Variants in USP25 observed in about 807,000 individuals in gnomAD.
USP25 encodes the protein ubiquitin carboxyl-terminal hydrolase 25.
In USP25, 85 loss-of-function variants were observed where a neutral mutation model predicts 158.5. The observed-to-expected ratio is 0.54, with a 90% CI of 0.45 to 0.64. The LOEUF is 0.64. USP25 is among the 30% of genes least tolerant of loss of function. The pLI is 0.00. For missense variants in USP25, 1,242 were observed against 1,327.3 expected, an observed-to-expected ratio of 0.94 and a Z score of 1.00; for synonymous variants, 464 against 460.4, an observed-to-expected ratio of 1.01 and a Z score of -0.10.
At chr21:15,861,821 T>C (rs1007924579) in intron 20 of USP25, among the ~76,000 whole-genome samples, 25 of 152,246 alleles carry the variant, frequency 1.6e-4, no homozygotes, top group African/African-American at 5.1e-4. Flanking sequence ...AAATGTTTTC[T>C]TGTGTGATTG....
chr21:15,859,991 A>ATATATATATATATATATTT (rs1315516466), intron 20 of USP25, among the ~76,000 whole-genome samples: 1 of 131,140 alleles, frequency 7.6e-6, no homozygotes, highest in African/African-American at 2.9e-5. Context: ...ATATATCTAT[A>ATATATATATATATATATTT]TTTTTTTTTT....
intron 17 of USP25, 113 bp from the exon 18 acceptor site, chr21:15,842,285 A>T (rs1168488698): frequency 2.6e-6 from 3 of 1,155,932 alleles, no homozygotes; most frequent in Non-Finnish European, 3.5e-6. Context: ...CTTTGAATGG[A>T]AGACTAAAAT....
chr21:15,863,667 A>C (rs2039527910), intron 20 of USP25, among the ~76,000 whole-genome samples: 1 of 152,226 alleles, frequency 6.6e-6, no homozygotes, highest in Non-Finnish European at 1.5e-5. Flanking sequence ...AGAATTACTC[A>C]CATTGTAAGT....
intron 1 of USP25, among the ~76,000 whole-genome samples, chr21:15,760,937 C>T (rs981133987): frequency 6.6e-6 from 1 of 152,108 alleles, no homozygotes; most frequent in African/African-American, 2.4e-5. Flanking sequence ...TATATTTCTC[C>T]GGTTGTCTCA....
chr21:15,772,038 T>C (rs2034388338), intron 3 of USP25, among the ~76,000 whole-genome samples: 2 of 152,188 alleles, frequency 1.3e-5, no homozygotes, highest in Non-Finnish European at 2.9e-5. Flanking sequence ...CCAACTAGGC[T>C]TTTGTGAACT....
intron 16 of USP25, 22 bp from the exon 17 acceptor site, chr21:15,833,326 G>T: frequency 6.3e-7 from 1 of 1,596,992 alleles, no homozygotes; most frequent in Non-Finnish European, 8.5e-7. Context: ...TTTTATACTA[G>T]TTTTTGAAAT....
intron 1 of USP25, among the ~76,000 whole-genome samples, chr21:15,748,689 T>C (rs2032761849): frequency 1.3e-5 from 2 of 152,112 alleles, no homozygotes; most frequent in South Asian, 4.1e-4. Flanking sequence ...GTAGCTCTTA[T>C]GTAATAAGAT....
intron 20 of USP25, among the ~76,000 whole-genome samples, chr21:15,855,172 T>G (rs1268416647): frequency 2.0e-5 from 3 of 152,172 alleles, no homozygotes; most frequent in African/African-American, 7.2e-5. Flanking sequence ...TCTTTTTTTG[T>G]AAAAATTTTG....
Position 15,875,133 on chromosome 21 carries a change from CTG to C in USP25, c.3009+608_3009+609del, listed in dbSNP as rs1287818779. 7.2e-5 allele frequency among the ~76,000 whole-genome samples: 11 copies of C among 152,286 alleles called. No homozygotes were observed. Among genetic ancestry groups the C allele is most frequent in the Admixed American group, 2.6e-4 (4 of 15,304 alleles). On this transcript the variant is annotated intron_variant, in intron 24 of 25. Transcript: ENST00000400183. The surrounding 1 kb of genome is among the most constrained non-coding windows in gnomAD (Gnocchi z 4.7). ...GTTGCCTTGAGCCAAGATCGCGCCACTGCATTCCATCCTGGCAACCAGGTGAC... is the reference window on the plus strand; with the variant it reads ...GTTGCCTTGAGCCAAGATCGCGCCACCATTCCATCCTGGCAACCAGGTGAC...
intron 1 of USP25, among the ~76,000 whole-genome samples, chr21:15,760,306 A>G (rs2033650891): frequency 6.6e-6 from 1 of 152,198 alleles, no homozygotes; most frequent in Non-Finnish European, 1.5e-5. Flanking sequence ...TATCCTACCT[A>G]GAACTTGGAC....
intron 10 of USP25, among the ~76,000 whole-genome samples, chr21:15,820,427 A>G (rs531465762): frequency 4.7e-4 from 72 of 152,014 alleles, no homozygotes; most frequent in African/African-American, 1.6e-3. Context: ...GTTGCAATAT[A>G]AATGTTCTGC....
intron 2 of USP25, among the ~76,000 whole-genome samples, chr21:15,763,867 TATGAG>T (rs2033881369): frequency 6.6e-6 from 1 of 152,160 alleles, no homozygotes. Flanking sequence ...TAAATAACTC[TATGAG>T]ATAAGTATTA....
intron 7 of USP25, chr21:15,805,477 G>C: frequency 2.8e-6 from 1 of 362,872 alleles, no homozygotes. Context: ...AAATGAAAAC[G>C]ATGGATACAA....
At chr21:15,823,218 G>T (rs1364051682) in intron 10 of USP25, among the ~76,000 whole-genome samples, 1 of 151,926 alleles carries the variant, frequency 6.6e-6, no homozygotes, top group Admixed American at 6.6e-5. Flanking sequence ...GTTCTTTGTT[G>T]ATTTACATAC....
chr21:15,864,243 T>G, intron 20 of USP25, 25 bp from the exon 21 acceptor site: 1 of 1,587,716 alleles, frequency 6.3e-7, no homozygotes, highest in Non-Finnish European at 8.5e-7. Context: ...TTAACCAAAA[T>G]TATCATTTTC....
Position 15,877,958 on chromosome 21 carries a change from C to G in USP25, c.3172C>G (p.Arg1058Gly). 6.2e-7 allele frequency: 1 copy of G among 1,612,448 alleles called. No homozygotes were observed. Among genetic ancestry groups the G allele is most frequent in the Non-Finnish European group, 8.5e-7 (1 of 1,179,366 alleles). ...ACTAGCTGTAGAAGATATGAGAAATCGATGGTGTTCCTACCTTGGTCAAGA... is the reference window on the plus strand; with the variant it reads ...ACTAGCTGTAGAAGATATGAGAAATGGATGGTGTTCCTACCTTGGTCAAGA... ...DILAVEDMRN[R>G]WCSYLGQEME... Residue 1058 changes from arginine (R) to glycine (G), a missense_variant, in exon 25 of 26, where the codon CGA (arginine) becomes GGA (glycine). By Grantham distance (125) the Arg-to-Gly change is moderately radical. Coordinates refer to ENST00000400183, the MANE Select transcript of USP25 (RefSeq NM_001283041.3).
chr21:15,846,405 G>C (rs570753473), intron 18 of USP25, among the ~76,000 whole-genome samples: 2 of 151,360 alleles, frequency 1.3e-5, no homozygotes, highest in African/African-American at 2.4e-5. Context: ...CAAGTGATAC[G>C]CCCATCTTGA....
intron 17 of USP25, among the ~76,000 whole-genome samples, chr21:15,839,229 A>C (rs1050841024): frequency 2.6e-5 from 4 of 152,134 alleles, no homozygotes; most frequent in Non-Finnish European, 4.4e-5. Flanking sequence ...CCACTCATCT[A>C]AGTTCCCTGG....
At chr21:15,808,307 G>GA (rs2036491128) in intron 7 of USP25, among the ~76,000 whole-genome samples, 1 of 152,152 alleles carries the variant, frequency 6.6e-6, no homozygotes, top group Non-Finnish European at 1.5e-5. Context: ...GGCTGGTTCT[G>GA]AATGATAGTA....
Sources: gnomAD v4.1 joint callset for allele counts (sites outside exome capture counted in the v4.1 genomes callset) on GRCh38, gnomAD v4.1.1 for gene constraint, Gnocchi (gnomAD v3.1) non-coding constraint, MANE v1.5 for transcripts, NCBI Gene and HGNC (gene_info 2026-07-23, HGNC 2026-07-21) for gene names.